Variants in DRAXIN observed in about 807,000 individuals in gnomAD.
DRAXIN encodes dorsal inhibitory axon guidance protein.
In DRAXIN, 27 loss-of-function variants were observed where a neutral mutation model predicts 33.9. That is an observed-to-expected ratio of 0.80 (90% CI 0.59 to 1.10). The LOEUF (loss-of-function observed/expected upper bound fraction) is 1.10, where lower values mean the gene tolerates loss of function less well. Among genes scored for constraint, DRAXIN ranks in the 50% least tolerant of loss-of-function variants. DRAXIN has a pLI of 0.00. For missense variants in DRAXIN, 371 were observed against 460.8 expected, an observed-to-expected ratio of 0.81 and a Z score of 1.78; for synonymous variants, 178 against 194.0, an observed-to-expected ratio of 0.92 and a Z score of 0.69.
At chr1:11,719,546 C>T (rs1488082292) in intron 6 of DRAXIN, 38 bp from the exon 7 acceptor site, 2 of 1,559,374 alleles carry the variant, frequency 1.3e-6, no homozygotes, top group Non-Finnish European at 1.7e-6. Flanking sequence ...GGCACGGGCC[C>T]TTCGCGCCTC....
At chr1:11,693,118 C>T (rs1641111251) in intron 1 of DRAXIN, among the ~76,000 whole-genome samples, 2 of 152,072 alleles carry the variant, frequency 1.3e-5, no homozygotes, top group Non-Finnish European at 2.9e-5. Context: ...CCCATACAGG[C>T]GTCCACACCC....
At chr1:11,718,299 G>A (rs1294780261) in intron 6 of DRAXIN, among the ~76,000 whole-genome samples, 1 of 112,148 alleles carries the variant, frequency 8.9e-6, no homozygotes, top group Non-Finnish European at 1.7e-5. Context: ...TGGGTGACAA[G>A]AGCAAAACTC....
chr1:11,710,564 T>C (rs1641469601), intron 3 of DRAXIN, among the ~76,000 whole-genome samples: 1 of 151,874 alleles, frequency 6.6e-6, no homozygotes, highest in Non-Finnish European at 1.5e-5. Context: ...CTGGTGATTC[T>C]GGAAGAGGGG....
chr1:11,705,498 C>A lies in DRAXIN; in HGVS notation c.-10-751C>A, dbSNP rs1057261772. ...AAAGCCCCTCCCCCAGGGGAAGGGA[C>A]AGTGTCAGAACATTCTGGGGCCTCA... On this transcript the variant is annotated intron_variant, in intron 1 of 6. Transcript: ENST00000294485. This position sits in a 1 kb window ranked among gnomAD's most constrained non-coding sequence, Gnocchi z 4.8. Among the ~76,000 whole-genome samples, 7 of 152,042 alleles carry A rather than the reference C, an allele frequency of 4.6e-5. No homozygotes were observed. The highest frequency in any genetic ancestry group is 7.4e-5 in the Non-Finnish European group (5 of 67,992).
Position 11,706,680 on chromosome 1 carries a change from G to C in DRAXIN, c.422G>C (p.Arg141Thr), listed in dbSNP as rs1463003728. 1 of 1,592,402 alleles carries C rather than the reference G, an allele frequency of 6.3e-7. No individual in the cohort carries two copies. The highest frequency in any genetic ancestry group is 1.1e-5 in the South Asian group (1 of 90,304). ...AGGAAACGCAGCAGGGAGCACAAGA[G>C]ACGCAGGGACAGGTTGAGGCTGCAC... is the stretch of plus-strand genomic sequence containing the variant. ...RTRKRSREHK[R>T]RRDRLRLHQG... The change falls in exon 2 of 7, where the codon AGA becomes ACA. Residue 141 changes from arginine to threonine, a missense_variant. Physicochemically the swap from Arg to Thr is moderately conservative, Grantham distance 71. Coordinates refer to ENST00000294485, the MANE Select transcript of DRAXIN (RefSeq NM_198545.4). This position sits in a 1 kb window ranked among gnomAD's most constrained non-coding sequence, Gnocchi z 5.5.
chr1:11,713,598 G>A (rs1449170442), intron 5 of DRAXIN, among the ~76,000 whole-genome samples: 2 of 152,094 alleles, frequency 1.3e-5, no homozygotes, highest in African/African-American at 2.4e-5. Flanking sequence ...AGGTAAGTTA[G>A]AAGTGTGAGA....
chr1:11,698,519 T>A lies in DRAXIN; in HGVS notation c.-11+6666T>A, dbSNP rs1641226443. Among the ~76,000 whole-genome samples, 3 of 152,124 alleles carry A rather than the reference T, an allele frequency of 2.0e-5. No homozygotes were observed. The South Asian group carries it at 6.2e-4, about 32-fold the overall frequency. On this transcript the variant is annotated intron_variant, in intron 1 of 6. Transcript: ENST00000294485. Reference sequence around the variant, plus strand: ...TTTCAGGAAGTGTCCATGTGAGTGATGAGGAGTAGCCAGAGGGAAAAGTTG... The same window carrying A: ...TTTCAGGAAGTGTCCATGTGAGTGAAGAGGAGTAGCCAGAGGGAAAAGTTG...
chr1:11,709,560 G>A, intron 3 of DRAXIN, 95 bp downstream of exon 3: 1 of 1,377,066 alleles, frequency 7.3e-7, no homozygotes, highest in East Asian at 2.6e-5. Context: ...TGAGGCACGG[G>A]GGCAGGAGGC....
chr1:11,712,755 C>T (rs1346311077), intron 5 of DRAXIN, among the ~76,000 whole-genome samples: 1 of 151,560 alleles, frequency 6.6e-6, no homozygotes, highest in Non-Finnish European at 1.5e-5. Context: ...AAAAATTATC[C>T]GGGCATGGTG....
chr1:11,690,946 G>T (rs551055943), upstream of DRAXIN, among the ~76,000 whole-genome samples: 2 of 151,398 alleles, frequency 1.3e-5, no homozygotes, highest in South Asian at 2.1e-4. The surrounding 1 kb of genome is among the most constrained non-coding windows in gnomAD (Gnocchi z 4.2). Context: ...GTGTGTGTGT[G>T]TTTGTGTGTG....
In DRAXIN at chr1:11,692,479, C is replaced by T. The variant is rs1049602559; in HGVS notation, c.-11+626C>T. The stretch of plus-strand genomic sequence containing the variant: ...CCAGGAAGGTACTCAGCCTGGCTCC[C>T]CCGACGGCGCTGGTCTTTCGCCTGT... On this transcript the variant is annotated intron_variant, in intron 1 of 6. Coordinates refer to ENST00000294485, the MANE Select transcript of DRAXIN (RefSeq NM_198545.4). This position sits in a 1 kb window ranked among gnomAD's most constrained non-coding sequence, Gnocchi z 5.8. 2.0e-5 allele frequency among the ~76,000 whole-genome samples: 3 copies of T among 152,216 alleles called. No individual in the cohort carries two copies. The highest frequency in any genetic ancestry group is 7.2e-5 in the African/African-American group (3 of 41,454).
chr1:11,705,108 C>G lies in DRAXIN; in HGVS notation c.-10-1141C>G, dbSNP rs1383051360. 1.3e-5 allele frequency among the ~76,000 whole-genome samples: 2 copies of G among 152,240 alleles called. No homozygotes were observed. Among genetic ancestry groups the G allele is most frequent in the Non-Finnish European group, 2.9e-5 (2 of 68,028 alleles). ...CATCACAGGCCCACCAACCTTTTCT[C>G]AGCCCGGGACAATTATATGGCCACA... On this transcript the variant is annotated intron_variant, in intron 1 of 6. Coordinates refer to ENST00000294485, the MANE Select transcript of DRAXIN (RefSeq NM_198545.4). This position sits in a 1 kb window ranked among gnomAD's most constrained non-coding sequence, Gnocchi z 4.8.
chr1:11,719,155 CG>C (rs1209288993), intron 6 of DRAXIN, among the ~76,000 whole-genome samples: 1 of 152,184 alleles, frequency 6.6e-6, no homozygotes, highest in Non-Finnish European at 1.5e-5. Context: ...CCACCTGCCT[CG>C]GCCTTACAAA....
At position 11,724,236 on chromosome 1, in the gene DRAXIN, G is replaced by A. The variant is rs1570325868; in HGVS notation, c.*4540G>A. 2 of 152,300 alleles carry A rather than the reference G, an allele frequency of 1.3e-5. No individual in the cohort carries two copies. The highest frequency in any genetic ancestry group is 4.8e-5 in the African/African-American group (2 of 41,456). The allele number at this position is 152,300 out of a possible 1,614,324, so 9.4% of individuals were successfully genotyped here. A position where few individuals can be genotyped will look rare whatever the true frequency, so the allele number is the denominator to read the frequency against. ...AGTAAGTGGCTTTGCAATAAAATGG[G>A]TGCTGGAGTCTAAAATGATACCCTG... On this transcript the variant is annotated 3_prime_UTR_variant, in exon 7 of 7. Coordinates refer to ENST00000294485, the MANE Select transcript of DRAXIN (RefSeq NM_198545.4).
rs572377583 is a variant in DRAXIN, at chr1:11,718,291, G to C, written c.938-1293G>C. 2.7e-4 allele frequency among the ~76,000 whole-genome samples: 39 copies of C among 146,418 alleles called. No homozygotes were observed. The South Asian group carries it at 8.4e-3, about 32-fold the overall frequency. ...GATGGTGCCGCTGCACTCCAGCCTG[G>C]GTGACAAGAGCAAAACTCCATCTCA... On this transcript the variant is annotated intron_variant, in intron 6 of 6. Coordinates refer to ENST00000294485, the MANE Select transcript of DRAXIN (RefSeq NM_198545.4).
intron 1 of DRAXIN, among the ~76,000 whole-genome samples, chr1:11,697,959 C>T (rs1162654251): frequency 6.6e-6 from 1 of 152,158 alleles, no homozygotes; most frequent in Non-Finnish European, 1.5e-5. Context: ...ACCAGTATGC[C>T]AGTGAACACC....
rs1641192522 is a variant in DRAXIN, at chr1:11,696,376, A to G, written c.-11+4523A>G. On this transcript the variant is annotated intron_variant, in intron 1 of 6. Transcript: ENST00000294485. This position sits in a 1 kb window ranked among gnomAD's most constrained non-coding sequence, Gnocchi z 4.7. ...ACAGAGGCAGGCGGATCATGAGGTC[A>G]GGAGTTCGAGACCAGCCTGGCCAAG... 6.6e-6 allele frequency among the ~76,000 whole-genome samples: 1 copy of G among 152,170 alleles called. No individual in the cohort carries two copies. The highest frequency in any genetic ancestry group is 2.1e-4 in the South Asian group (1 of 4,828).
In DRAXIN at chr1:11,722,480, T is replaced by C. The variant is rs910804384; in HGVS notation, c.*2784T>C. On this transcript the variant is annotated 3_prime_UTR_variant, in exon 7 of 7. Coordinates refer to ENST00000294485, the MANE Select transcript of DRAXIN (RefSeq NM_198545.4). ...ACATTTCCAAAGAGGGATGGGTGGA[T>C]GGAACCTCTTAACTCCAGAGCTGGG... 6.6e-6 allele frequency: 1 copy of C among 152,218 alleles called. No homozygotes were observed. The allele number at this position is 152,218 out of a possible 1,614,324, so 9.4% of individuals were successfully genotyped here.
chr1:11,711,790 T>G, intron 3 of DRAXIN, 61 bp from the exon 4 acceptor site: 1 of 1,500,202 alleles, frequency 6.7e-7, no homozygotes. Context: ...ACCTTGGGAC[T>G]CCACACTCCT....
Sources: gnomAD v4.1 joint callset for allele counts (sites outside exome capture counted in the v4.1 genomes callset) on GRCh38, gnomAD v4.1.1 for gene constraint, Gnocchi (gnomAD v3.1) non-coding constraint, MANE v1.5 for transcripts, NCBI Gene and HGNC (gene_info 2026-07-23, HGNC 2026-07-21) for gene names.